ENTPD1: variants seen among roughly 807,000 people sequenced by gnomAD.
ENTPD1 encodes ectonucleoside triphosphate diphosphohydrolase 1.
ENTPD1 carries 33 observed loss-of-function variants against 57.0 expected under a neutral mutation model. The observed-to-expected ratio is 0.58, with a 90% confidence interval of 0.44 to 0.77. The LOEUF is 0.77. Ranked by LOEUF, ENTPD1 falls within the 30% of genes least tolerant of loss-of-function variation. The pLI is 0.00. For synonymous variants in ENTPD1, 202 were observed against 218.8 expected (o/e 0.92, Z 0.68); for missense variants, 501 against 603.4 (o/e 0.83, Z 1.78).
At chr10:95,818,451 A>G (rs1164308353) in intron 1 of ENTPD1, among the ~76,000 whole-genome samples, 1 of 152,158 alleles carries the variant, frequency 6.6e-6, no homozygotes, top group African/African-American at 2.4e-5. Context: ...GATAAGGTAG[A>G]GTCTTAGGAA....
At chr10:95,756,290 G>GAA in intron 1 of ENTPD1, 35 bp downstream of exon 1, 5 of 1,391,108 alleles carry the variant, frequency 3.6e-6, no homozygotes, top group South Asian at 1.4e-5. Context: ...GAATCCTTAA[G>GAA]AAAAAAAAAA....
intron 1 of ENTPD1, among the ~76,000 whole-genome samples, chr10:95,811,020 G>A (rs1227218100): frequency 1.3e-5 from 2 of 152,184 alleles, no homozygotes; most frequent in Admixed American, 6.5e-5. Flanking sequence ...TGGTTAAAGA[G>A]AAAGCCAGCT....
intron 1 of ENTPD1, among the ~76,000 whole-genome samples, chr10:95,766,455 A>T (rs750460869): frequency 6.6e-5 from 10 of 152,212 alleles, no homozygotes; most frequent in Non-Finnish European, 1.3e-4. Context: ...AGTGCTTCAA[A>T]TAATAATGAC....
intron 1 of ENTPD1, among the ~76,000 whole-genome samples, chr10:95,784,363 A>C (rs750264245): frequency 6.6e-6 from 1 of 152,174 alleles, no homozygotes; most frequent in Non-Finnish European, 1.5e-5. Flanking sequence ...GCTTGCTGCC[A>C]GCATTTTCAG....
At chr10:95,859,961 A>G (rs568113377) in intron 7 of ENTPD1, among the ~76,000 whole-genome samples, 13 of 152,312 alleles carry the variant, frequency 8.5e-5, no homozygotes, top group African/African-American at 3.1e-4. Flanking sequence ...CCTAGCCCAT[A>G]GTAGACCTGT....
In ENTPD1 at chr10:95,865,273, G is replaced by T. The variant is rs149681983; in HGVS notation, c.1326+412G>T. Among the ~76,000 whole-genome samples, 303 of 152,298 alleles carry T rather than the reference G, an allele frequency of 2.0e-3. 2 individuals carry two copies. Among genetic ancestry groups the T allele is most frequent in the South Asian group, 6.6e-3 (32 of 4,816 alleles). On this transcript the variant is annotated intron_variant, in intron 9 of 9. Transcript: ENST00000371205. ...CATCCTTGTTGGTTATTACTTCAAG[G>T]TTGACCAATCTGAAAGCTCTGTGTG... is the stretch of plus-strand genomic sequence containing the variant.
At chr10:95,713,033 T>TA (rs1555272407) in intron 1 of ENTPD1, among the ~76,000 whole-genome samples, 7,809 of 142,876 alleles carry the variant, frequency 0.055, 246 homozygotes, top group South Asian at 0.088. Flanking sequence ...GATTCTGTCT[T>TA]AAAAAAAAAA....
intron 1 of ENTPD1, among the ~76,000 whole-genome samples, chr10:95,786,435 G>T (rs2098180209): frequency 2.0e-5 from 3 of 152,188 alleles, no homozygotes; most frequent in Non-Finnish European, 4.4e-5. Flanking sequence ...GGAGACGCAG[G>T]TTCAGTAGGG....
At chr10:95,809,384 G>GC (rs1299483902) in intron 1 of ENTPD1, among the ~76,000 whole-genome samples, 2 of 146,748 alleles carry the variant, frequency 1.4e-5, no homozygotes, top group Non-Finnish European at 3.0e-5. Flanking sequence ...GGGCAGAGGC[G>GC]CCCCCCACCC....
intron 2 of ENTPD1, among the ~76,000 whole-genome samples, chr10:95,832,274 C>T (rs1370676229): frequency 6.6e-6 from 1 of 152,162 alleles, no homozygotes; most frequent in African/African-American, 2.4e-5. Context: ...AGAGCCTTCT[C>T]AGTTTGAACC....
At chr10:95,827,359 G>A (rs568245723) in intron 2 of ENTPD1, among the ~76,000 whole-genome samples, 2 of 152,118 alleles carry the variant, frequency 1.3e-5, no homozygotes, top group East Asian at 3.9e-4. Context: ...GGAGGCTGAG[G>A]CAGGAGAATC....
the ENTPD1 span, among the ~76,000 whole-genome samples, chr10:95,698,642 C>T: frequency 1.3e-5 from 2 of 152,246 alleles, no homozygotes; most frequent in African/African-American, 4.8e-5. Context: ...TCAGGGTACT[C>T]TCCACAGGCT....
rs1590213180 is a variant in ENTPD1, at chr10:95,864,740, C to A, written c.1205C>A (p.Ala402Asp). 6.2e-7 allele frequency: 1 copy of A among 1,614,164 alleles called. No homozygotes were observed. The highest frequency in any genetic ancestry group is 1.1e-5 in the South Asian group (1 of 91,078). ...CACTTCTAGATAAAAACATCTTACG[C>A]TGGAGTAAAGGAGAAGTACCTGAGT... ...QPWEEIKTSY[A>D]GVKEKYLSEY... is the part of the protein sequence containing the mutation. Residue 402 changes from alanine to aspartate, a missense_variant, in exon 9 of 10, where the codon GCT (alanine) becomes GAT (aspartate). Physicochemically the swap from Ala to Asp is moderately radical, Grantham distance 126. Transcript: ENST00000371205.
intron 1 of ENTPD1, among the ~76,000 whole-genome samples, chr10:95,808,713 T>C (rs1317862726): frequency 2.2e-5 from 3 of 135,284 alleles, no homozygotes; most frequent in African/African-American, 8.5e-5. Context: ...ACAGATTATT[T>C]TAGTTGCTTT....
chr10:95,713,229 T>A (rs1049771138), intron 1 of ENTPD1, among the ~76,000 whole-genome samples: 5 of 152,164 alleles, frequency 3.3e-5, no homozygotes, highest in African/African-American at 4.8e-5. Context: ...GGCTTATTGT[T>A]GAGTCACTAC....
chr10:95,704,874 GTA>G, the ENTPD1 span, among the ~76,000 whole-genome samples: 1 of 148,354 alleles, frequency 6.7e-6, no homozygotes, highest in East Asian at 1.9e-4. Context: ...ATATATATAT[GTA>G]TATATATGTA....
intron 1 of ENTPD1, chr10:95,756,671 C>T (rs983805775): frequency 1.2e-5 from 2 of 172,056 alleles, no homozygotes; most frequent in African/African-American, 4.8e-5. Flanking sequence ...GTTTTGTTCT[C>T]GAATTTCTTG....
rs1171399508 is a variant in ENTPD1 at position 95,853,845 on chromosome 10, T to G, written c.1074+6139T>G. ...TGGATTCGGTTTGCCAGTATTTTATTGAGGATTTTTGCATCAATGTTCATC... is the reference window on the plus strand; with the variant it reads ...TGGATTCGGTTTGCCAGTATTTTATGGAGGATTTTTGCATCAATGTTCATC... On this transcript the variant is annotated intron_variant, in intron 7 of 9. Coordinates refer to ENST00000371205, the MANE Select transcript of ENTPD1 (RefSeq NM_001776.6). Among the ~76,000 whole-genome samples the G allele has an allele frequency of 7.9e-5, 12 of 152,364 alleles. 1 individual carries two copies. In the East Asian group the frequency reaches 2.3e-3, roughly 29 times the overall value.
At position 95,874,496 on chromosome 10, in the gene ENTPD1, G is replaced by A. The variant is rs1262293930; in HGVS notation, c.*8113G>A. ...GCCTCCCTCCTGGCTGCTTTCTCAG[G>A]CTGATGTTGAGTGTCTGTAGCTTTT... On this transcript the variant is annotated 3_prime_UTR_variant, in exon 10 of 10. Coordinates refer to ENST00000371205, the MANE Select transcript of ENTPD1 (RefSeq NM_001776.6). Among the ~76,000 whole-genome samples the A allele has an allele frequency of 6.6e-6, 1 of 152,166 alleles. No individual in the cohort carries two copies. Among genetic ancestry groups the A allele is most frequent in the Non-Finnish European group, 1.5e-5 (1 of 68,030 alleles).
Sources: gnomAD v4.1 joint callset for allele counts (sites outside exome capture counted in the v4.1 genomes callset) on GRCh38, gnomAD v4.1.1 for gene constraint, MANE v1.5 for transcripts, NCBI Gene and HGNC (gene_info 2026-07-23, HGNC 2026-07-21) for gene names.